KAZN: variants seen among roughly 807,000 people sequenced by gnomAD.
KAZN encodes the protein kazrin, periplakin interacting protein, also known as kazrin.
Under a neutral mutation model 87.4 loss-of-function variants are expected in KAZN, and 40 were observed. The ratio of observed to expected loss-of-function variants is 0.46; its 90% CI spans 0.36 to 0.60. KAZN has a LOEUF of 0.60. Ranked by LOEUF, KAZN falls within the 20% of genes least tolerant of loss-of-function variation. The pLI is 0.00. For missense variants in KAZN, 898 were observed against 1,073.9 expected (o/e 0.84, Z 2.29); for synonymous variants, 466 against 458.3 (o/e 1.02, Z -0.22).
intron 1 of KAZN, among the ~76,000 whole-genome samples, chr1:14,742,456 T>G (rs1419736385): frequency 1.3e-5 from 2 of 152,160 alleles, no homozygotes; most frequent in Non-Finnish European, 2.9e-5. Context: ...TTGGATTAAC[T>G]AAGTGCATTC....
intron 2 of KAZN, among the ~76,000 whole-genome samples, chr1:14,221,383 A>C (rs954523127): frequency 6.6e-6 from 1 of 152,116 alleles, no homozygotes; most frequent in African/African-American, 2.4e-5. Flanking sequence ...TTTCCATACT[A>C]TCCTCACCCT....
intron 2 of KAZN, among the ~76,000 whole-genome samples, chr1:14,577,770 A>C (rs1675280879): frequency 6.6e-6 from 1 of 152,156 alleles, no homozygotes; most frequent in Admixed American, 6.5e-5. Context: ...CCATTGACAA[A>C]GCTTTTTCAC....
chr1:13,907,101 G>C (rs1639467210), intron 1 of KAZN, among the ~76,000 whole-genome samples: 1 of 152,132 alleles, frequency 6.6e-6, no homozygotes, highest in Non-Finnish European at 1.5e-5. Context: ...CTTTTGATGT[G>C]GTGTCTCTGT....
intron 1 of KAZN, among the ~76,000 whole-genome samples, chr1:14,906,669 T>C (rs1009760479): frequency 6.6e-6 from 1 of 151,370 alleles, no homozygotes; most frequent in African/African-American, 2.4e-5. Context: ...AGCAAGTTAG[T>C]TTCAGGATTA....
chr1:14,364,396 T>C (rs924379651), intron 2 of KAZN, among the ~76,000 whole-genome samples: 3 of 152,202 alleles, frequency 2.0e-5, no homozygotes, highest in Admixed American at 2.0e-4. Flanking sequence ...AATGGGATAA[T>C]GTTTGTGAAG....
chr1:13,935,431 C>CA lies in KAZN; in HGVS notation c.91+41677dup, dbSNP rs1404590606. On this transcript the variant is annotated intron_variant, in intron 1 of 16. Coordinates refer to the KAZN transcript ENST00000636203. ...GCAGAAACGGGGATTCAAACCCACT[C>CA]AATCTGGCAACAGAGCCTGTGATCT... Among the ~76,000 whole-genome samples, 52 of 152,268 alleles carry CA rather than the reference C, an allele frequency of 3.4e-4. 1 individual carries two copies. Among genetic ancestry groups the CA allele is most frequent in the Admixed American group, 3.0e-3 (46 of 15,296 alleles).
Position 14,180,449 on chromosome 1 carries a change from C to A in KAZN, c.106C>A (p.His36Asn), listed in dbSNP as rs769703758. The A allele has an allele frequency of 7.7e-6, 12 of 1,550,106 alleles. No homozygotes were observed. In the East Asian group the frequency reaches 2.9e-4, roughly 38 times the overall value. Reference sequence around the variant, plus strand: ...TCTTTCCACAGCTGTGCAATCATTGCACACCCTCAATGACCAGATTTCCCA... The same window carrying A: ...TCTTTCCACAGCTGTGCAATCATTGAACACCCTCAATGACCAGATTTCCCA... Residue 36 changes from histidine to asparagine, a missense_variant, in exon 2 of 17, where the codon CAC (histidine) becomes AAC (asparagine). Transcript: ENST00000636203.
intron 1 of KAZN, among the ~76,000 whole-genome samples, chr1:13,895,367 C>T (rs540421601): frequency 1.5e-4 from 23 of 152,256 alleles, no homozygotes; most frequent in Non-Finnish European, 2.8e-4. Context: ...GAAGGCACGT[C>T]GGATTTCTAA....
chr1:14,525,355 A>G (rs1671806796), intron 2 of KAZN, among the ~76,000 whole-genome samples: 1 of 152,186 alleles, frequency 6.6e-6, no homozygotes, highest in Non-Finnish European at 1.5e-5. Context: ...TTTTCTGTAA[A>G]GGGCCAGTTA....
intron 13 of KAZN, among the ~76,000 whole-genome samples, chr1:15,111,433 G>A (rs1172665989): frequency 6.6e-6 from 1 of 152,146 alleles, no homozygotes; most frequent in Non-Finnish European, 1.5e-5. Flanking sequence ...GCACCACCAT[G>A]CCCAGCTAAT....
intron 2 of KAZN, among the ~76,000 whole-genome samples, chr1:14,259,681 T>C (rs1278217239): frequency 6.6e-6 from 1 of 152,218 alleles, no homozygotes; most frequent in Non-Finnish European, 1.5e-5. Flanking sequence ...CTGCTTCCTT[T>C]GATGCATCCT....
At chr1:14,833,737 G>A (rs1238588834) in intron 1 of KAZN, among the ~76,000 whole-genome samples, 2 of 152,104 alleles carry the variant, frequency 1.3e-5, no homozygotes, top group Admixed American at 1.3e-4. Flanking sequence ...GAAGATGAGA[G>A]CTCTCTTGTT....
chr1:14,891,963 C>T (rs1377453046), intron 1 of KAZN, among the ~76,000 whole-genome samples: 1 of 152,146 alleles, frequency 6.6e-6, no homozygotes, highest in Non-Finnish European at 1.5e-5. Flanking sequence ...GGGAGTCTTA[C>T]ATCTGGCCCT....
At chr1:14,304,075 T>A (rs1212575473) in intron 2 of KAZN, among the ~76,000 whole-genome samples, 1 of 152,226 alleles carries the variant, frequency 6.6e-6, no homozygotes, top group Admixed American at 6.5e-5. Flanking sequence ...TCTTGCCATT[T>A]GGAAATCACA....
intron 2 of KAZN, among the ~76,000 whole-genome samples, chr1:14,986,024 A>G (rs925466292): frequency 2.7e-5 from 4 of 149,462 alleles, no homozygotes; most frequent in African/African-American, 7.4e-5. Flanking sequence ...AAAAAAAAAA[A>G]GGAAAGAAAG....
At chr1:14,967,506 G>A (rs902185542) in intron 2 of KAZN, among the ~76,000 whole-genome samples, 6 of 152,164 alleles carry the variant, frequency 3.9e-5, no homozygotes, top group African/African-American at 1.2e-4. Flanking sequence ...CCTGGGACTT[G>A]TGAATGAGTT....
chr1:13,996,041 G>T (rs12754678), intron 1 of KAZN, among the ~76,000 whole-genome samples: 22,071 of 150,496 alleles, frequency 0.15, 1,706 homozygotes, highest in Middle Eastern at 0.23. Flanking sequence ...TCATCACAAC[G>T]GACTAGGAGG....
In KAZN at chr1:15,114,538, C is replaced by G. The variant is rs985863919; in HGVS notation, c.2231C>G (p.Ser744Cys). The G allele has an allele frequency of 3.7e-6, 6 of 1,611,126 alleles. 1 individual carries two copies. Among genetic ancestry groups the G allele is most frequent in the South Asian group, 2.2e-5 (2 of 90,176 alleles). ...CCCGATTTCCATGATGACTATGGCT[C>G]TCTTCAAAACGAAGATTGCGGAGAC... is the stretch of plus-strand genomic sequence containing the variant. ...KDPDFHDDYG[S>C]LQNEDCGDDD... Residue 744 changes from serine to cysteine, a missense_variant, in exon 15 of 15, where the codon TCT becomes TGT. Transcript: ENST00000376030.
intron 2 of KAZN, among the ~76,000 whole-genome samples, chr1:14,316,751 TA>T (rs2100827074): frequency 6.6e-6 from 1 of 152,136 alleles, no homozygotes; most frequent in African/African-American, 2.4e-5. Context: ...TAGTTCAAAA[TA>T]TTTCTCTAAT....
Sources: gnomAD v4.1 joint callset for allele counts (sites outside exome capture counted in the v4.1 genomes callset) on GRCh38, gnomAD v4.1.1 for gene constraint, MANE v1.5 for transcripts, NCBI Gene and HGNC (gene_info 2026-07-23, HGNC 2026-07-21) for gene names.